DENND1A: variants seen among roughly 807,000 people sequenced by gnomAD.
DENND1A encodes the protein DENN domain containing 1A.
In DENND1A, 51 loss-of-function variants were observed where a neutral mutation model predicts 113.7. That is an observed-to-expected ratio of 0.45 (90% CI 0.36 to 0.57). The LOEUF (loss-of-function observed/expected upper bound fraction) is 0.57. Among genes scored for constraint, DENND1A ranks in the 20% least tolerant of loss-of-function variants. The probability of loss-of-function intolerance (pLI) is 0.00; values close to 1 mark genes in which losing one functional copy is unlikely to be tolerated. For synonymous variants in DENND1A, 565 were observed against 570.8 expected, an observed-to-expected ratio of 0.99 and a Z score of 0.14; for missense variants, 1,258 against 1,395.9, an observed-to-expected ratio of 0.90 and a Z score of 1.57.
intron 2 of DENND1A, among the ~76,000 whole-genome samples, chr9:123,848,251 A>C (rs990537354): frequency 2.7e-5 from 4 of 149,438 alleles, no homozygotes; most frequent in Non-Finnish European, 4.5e-5. Flanking sequence ...AAAAAAAAAA[A>C]AAAAAACAAA....
intron 21 of DENND1A, 29 bp downstream of exon 21, chr9:123,403,372 AC>A: frequency 6.2e-7 from 1 of 1,611,334 alleles, no homozygotes; most frequent in Non-Finnish European, 8.5e-7. Flanking sequence ...CAGGGTTCTT[AC>A]AGACAGAGGG....
intron 1 of DENND1A, among the ~76,000 whole-genome samples, chr9:123,912,805 C>T (rs1365487566): frequency 6.6e-6 from 1 of 152,126 alleles, no homozygotes; most frequent in African/African-American, 2.4e-5. Flanking sequence ...CTACCAGAGA[C>T]TAAGGATTTT....
intron 20 of DENND1A, among the ~76,000 whole-genome samples, chr9:123,409,819 C>T (rs939484595): frequency 2.6e-5 from 4 of 152,108 alleles, no homozygotes; most frequent in African/African-American, 4.8e-5. Context: ...TGGCCGGGTG[C>T]GGTGGCTCAC....
intron 2 of DENND1A, among the ~76,000 whole-genome samples, chr9:123,795,497 T>A (rs1833629471): frequency 6.6e-6 from 1 of 152,192 alleles, no homozygotes. Context: ...GTACAAAACC[T>A]AGCACCCTGC....
At chr9:123,469,737 G>T (rs1311756969) in intron 13 of DENND1A, among the ~76,000 whole-genome samples, 1 of 152,234 alleles carries the variant, frequency 6.6e-6, no homozygotes, top group East Asian at 1.9e-4. Flanking sequence ...CCCTAAACCA[G>T]CACTGGGTGG....
At chr9:123,475,578 A>C (rs961679203) in intron 13 of DENND1A, among the ~76,000 whole-genome samples, 1 of 152,210 alleles carries the variant, frequency 6.6e-6, no homozygotes, top group African/African-American at 2.4e-5. Flanking sequence ...TTGGGACCCC[A>C]TCCGAGGCCC....
At chr9:123,821,984 A>T (rs1438969285) in intron 2 of DENND1A, among the ~76,000 whole-genome samples, 1 of 152,238 alleles carries the variant, frequency 6.6e-6, no homozygotes, top group Non-Finnish European at 1.5e-5. Flanking sequence ...ATAGTTCAGT[A>T]ACACAAATGT....
At chr9:123,588,773 G>GT (rs113676350) in intron 11 of DENND1A, among the ~76,000 whole-genome samples, 53,348 of 144,606 alleles carry the variant, frequency 0.37, 9,896 homozygotes, top group African/African-American at 0.43. Flanking sequence ...ATTCTATTTT[G>GT]TTTTTTTTTT....
At chr9:123,413,824 A>C in intron 19 of DENND1A, 1 of 985,156 alleles carries the variant, frequency 1.0e-6, no homozygotes, top group Non-Finnish European at 1.2e-6. Context: ...GGAAAGGGGA[A>C]CAGCCCCCCC....
intron 13 of DENND1A, among the ~76,000 whole-genome samples, chr9:123,512,240 A>G (rs1216349104): frequency 1.3e-5 from 2 of 152,178 alleles, no homozygotes; most frequent in African/African-American, 4.8e-5. Flanking sequence ...CTCTCCTCAT[A>G]ATAGGAGATA....
chr9:123,618,099 C>A (rs1372341566), intron 10 of DENND1A, among the ~76,000 whole-genome samples: 1 of 152,214 alleles, frequency 6.6e-6, no homozygotes, highest in Non-Finnish European at 1.5e-5. Context: ...GCTGAGAGGT[C>A]ACTCAGAGCC....
chr9:123,505,995 C>T (rs755403785), intron 13 of DENND1A, among the ~76,000 whole-genome samples: 3 of 151,906 alleles, frequency 2.0e-5, no homozygotes, highest in South Asian at 2.1e-4. Context: ...CCCCTTCATG[C>T]GCCTGAGCCG....
At chr9:123,786,536 CT>C (rs762839076) in intron 3 of DENND1A, among the ~76,000 whole-genome samples, 1 of 152,186 alleles carries the variant, frequency 6.6e-6, no homozygotes, top group Non-Finnish European at 1.5e-5. Flanking sequence ...CTCTCCTCCT[CT>C]TTACCTGCTA....
At chr9:123,879,367 T>C (rs529591787) in intron 1 of DENND1A, among the ~76,000 whole-genome samples, 2 of 152,148 alleles carry the variant, frequency 1.3e-5, no homozygotes, top group Admixed American at 6.5e-5. Flanking sequence ...ACCCTGTCTC[T>C]ACTAAAAATG....
intron 2 of DENND1A, among the ~76,000 whole-genome samples, chr9:123,816,415 A>G (rs754362764): frequency 2.0e-5 from 3 of 152,228 alleles, no homozygotes; most frequent in Non-Finnish European, 4.4e-5. Flanking sequence ...TTTCATCTGC[A>G]CCAAGCTCTC....
At chr9:123,745,144 T>G (rs996167220) in intron 5 of DENND1A, among the ~76,000 whole-genome samples, 1 of 152,092 alleles carries the variant, frequency 6.6e-6, no homozygotes, top group Admixed American at 6.5e-5. Flanking sequence ...ACAGAGTAAA[T>G]GGAGTAATCA....
intron 2 of DENND1A, among the ~76,000 whole-genome samples, chr9:123,843,956 G>T (rs1302455240): frequency 6.6e-6 from 1 of 152,096 alleles, no homozygotes. Flanking sequence ...TCTAGAGAAT[G>T]ATGAACAAAA....
At chr9:123,856,986 G>A (rs867464227) in intron 2 of DENND1A, among the ~76,000 whole-genome samples, 2 of 151,884 alleles carry the variant, frequency 1.3e-5, no homozygotes, top group African/African-American at 2.4e-5. Flanking sequence ...GTACTGGTGT[G>A]GACTCACACT....
intron 2 of DENND1A, chr9:123,843,320 G>T: frequency 2.6e-6 from 1 of 379,098 alleles, no homozygotes; most frequent in East Asian, 7.3e-5. Context: ...CTCCTTCCAT[G>T]TAATTTTTGT....
Sources: allele counts gnomAD v4.1 joint callset (sites outside exome capture counted in the v4.1 genomes callset), GRCh38; gene constraint gnomAD v4.1.1; transcripts MANE v1.5; gene names NCBI Gene and HGNC (gene_info 2026-07-23, HGNC 2026-07-21).